The following ELSPBP1 variants were observed in gnomAD, a reference collection of about 807,000 sequenced individuals.
The protein encoded by ELSPBP1 is epididymal sperm binding protein 1.
Under a neutral mutation model 33.3 loss-of-function variants are expected in ELSPBP1, and 38 were observed. That is an observed-to-expected ratio of 1.14 (90% CI 0.88 to 1.50). The LOEUF (loss-of-function observed/expected upper bound fraction) is 1.50, where lower values mean the gene tolerates loss of function less well. Ranked by LOEUF, ELSPBP1 falls within the 40% of genes most tolerant of loss-of-function variation. The pLI, the probability that ELSPBP1 is intolerant of heterozygous loss-of-function variation, is 0.00. For missense variants in ELSPBP1, 267 were observed against 263.5 expected (o/e 1.01, Z -0.09); for synonymous variants, 85 against 94.1 (o/e 0.90, Z 0.56).
chr19:48,015,773 T>TA (rs1961606041), intron 3 of ELSPBP1, 120 bp from the exon 4 acceptor site: 1 of 910,826 alleles, frequency 1.1e-6, no homozygotes, highest in Non-Finnish European at 1.6e-6. Flanking sequence ...AAATAATGCA[T>TA]AAAGTCTCTT....
intron 6 of ELSPBP1, among the ~76,000 whole-genome samples, chr19:48,023,789 C>T (rs1967239876): frequency 6.6e-6 from 1 of 152,082 alleles, no homozygotes; most frequent in Admixed American, 6.6e-5. Context: ...TCATCAAGTA[C>T]CTCCACAGAA....
At chr19:48,016,508 CT>C (rs1160190304) in intron 4 of ELSPBP1, among the ~76,000 whole-genome samples, 9 of 96,348 alleles carry the variant, frequency 9.3e-5, no homozygotes, top group South Asian at 3.6e-4. Flanking sequence ...TTCTTTCTTT[CT>C]TTCTTTCTTT....
chr19:48,017,489 A>G lies in ELSPBP1; in HGVS notation c.355+1450A>G, dbSNP rs73941489. ...ACTCTAAATTGTATCATTAATACAT[A>G]CATTCCATCATTAATAAATACATTA... On this transcript the variant is annotated intron_variant, in intron 4 of 6. Transcript: ENST00000339841. Among the ~76,000 whole-genome samples, 610 of 152,318 alleles carry G rather than the reference A, an allele frequency of 4.0e-3. 4 individuals are homozygous for G. Among genetic ancestry groups the G allele is most frequent in the African/African-American group, 0.013 (532 of 41,568 alleles).
intron 3 of ELSPBP1, among the ~76,000 whole-genome samples, chr19:48,015,644 TGAGA>T (rs1190452635): frequency 1.3e-5 from 2 of 152,020 alleles, no homozygotes; most frequent in Non-Finnish European, 2.9e-5. Context: ...GGCAACAGAG[TGAGA>T]CTCTGTCTCG....
chr19:48,016,330 A>T (rs1967132084), intron 4 of ELSPBP1, among the ~76,000 whole-genome samples: 1 of 152,188 alleles, frequency 6.6e-6, no homozygotes, highest in Non-Finnish European at 1.5e-5. Flanking sequence ...AACTGACAAT[A>T]GTGAGATTCA....
At chr19:48,013,875 A>G (rs1395467501) in intron 2 of ELSPBP1, among the ~76,000 whole-genome samples, 1 of 152,122 alleles carries the variant, frequency 6.6e-6, no homozygotes, top group African/African-American at 2.4e-5. Flanking sequence ...CTCCTGGTTC[A>G]CAGATGGTGC....
intron 1 of ELSPBP1, among the ~76,000 whole-genome samples, chr19:48,005,226 G>GA (rs1373853644): frequency 6.6e-6 from 1 of 151,486 alleles, no homozygotes; most frequent in African/African-American, 2.4e-5. Flanking sequence ...AAAGAAAAAA[G>GA]AAAAAAACAA....
chr19:48,013,455 G>T (rs1055534534), intron 2 of ELSPBP1, among the ~76,000 whole-genome samples: 2 of 152,192 alleles, frequency 1.3e-5, no homozygotes, highest in African/African-American at 4.8e-5. Flanking sequence ...GGTGGCTTAC[G>T]CCTGTAATCC....
At chr19:48,022,054 C>A in intron 5 of ELSPBP1, 116 bp from the exon 6 acceptor site, 1 of 897,934 alleles carries the variant, frequency 1.1e-6, no homozygotes, top group Non-Finnish European at 1.7e-6. Context: ...GGATTAAAGG[C>A]GCGAACCACC....
At chr19:47,996,449 C>A (rs62131797) in intron 1 of ELSPBP1, among the ~76,000 whole-genome samples, 31,086 of 151,700 alleles carry the variant, frequency 0.2, 3,391 homozygotes, top group Admixed American at 0.28. Flanking sequence ...AATGAATGGA[C>A]AGATGAGTGG....
chr19:48,003,141 G>T (rs192108784), intron 1 of ELSPBP1, among the ~76,000 whole-genome samples: 51 of 152,316 alleles, frequency 3.3e-4, no homozygotes, highest in African/African-American at 1.1e-3. Flanking sequence ...GGATGTTCCA[G>T]ACGAGACATG....
chr19:48,001,873 T>A (rs929786146), intron 1 of ELSPBP1, among the ~76,000 whole-genome samples: 2 of 151,944 alleles, frequency 1.3e-5, no homozygotes, highest in Non-Finnish European at 2.9e-5. Flanking sequence ...ATTTTAAGAT[T>A]TTTTGTAGAT....
At chr19:48,020,029 A>G in intron 5 of ELSPBP1, 152 bp downstream of exon 5, 1 of 798,876 alleles carries the variant, frequency 1.3e-6, no homozygotes, top group Non-Finnish European at 1.9e-6. Context: ...TGGCTCACGA[A>G]TAATGTCAAT....
intron 2 of ELSPBP1, 138 bp from the exon 3 acceptor site, chr19:48,014,033 T>C: frequency 9.8e-7 from 1 of 1,018,974 alleles, no homozygotes; most frequent in Non-Finnish European, 1.5e-6. Flanking sequence ...GGGGTTAGGA[T>C]TTTAACATAT....
At position 48,001,175 on chromosome 19, in the gene ELSPBP1, G is replaced by GTTTT. The variant is rs58448046; in HGVS notation, c.-18+6375_-18+6378dup. Among the ~76,000 whole-genome samples the GTTTT allele has an allele frequency of 4.3e-3, 609 of 142,810 alleles. 9 individuals are homozygous for GTTTT. Among genetic ancestry groups the GTTTT allele is most frequent in the African/African-American group, 0.014 (556 of 38,846 alleles). The allele number at this position is 142,810 out of a possible 152,430, so 93.7% of individuals were successfully genotyped here. A position where few individuals can be genotyped will look rare whatever the true frequency, so the allele number is the denominator to read the frequency against. On this transcript the variant is annotated intron_variant, in intron 1 of 6. Coordinates refer to ENST00000339841, the MANE Select transcript of ELSPBP1 (RefSeq NM_022142.5). ...TTCTGACTCTCCTGCCTCTCTCTCT[G>GTTTT]TTTTTTTTTTTTTTGACACAGAGTC...
At chr19:48,008,530 G>A in intron 1 of ELSPBP1, 121 bp from the exon 2 acceptor site, 1 of 672,496 alleles carries the variant, frequency 1.5e-6, no homozygotes, top group South Asian at 1.9e-5. Flanking sequence ...TACCATGCCT[G>A]GTCTATTTTT....
Position 48,011,275 on chromosome 19 carries a change from G to A in ELSPBP1, c.70+2538G>A, listed in dbSNP as rs903816847. Among the ~76,000 whole-genome samples the A allele has an allele frequency of 6.6e-5, 10 of 151,732 alleles. No homozygotes were observed. The highest frequency in any genetic ancestry group is 1.9e-4 in the African/African-American group (8 of 41,326). On this transcript the variant is annotated intron_variant, in intron 2 of 6. Transcript: ENST00000339841. This position sits in a 1 kb window ranked among gnomAD's most constrained non-coding sequence, Gnocchi z 4.5. ...GATTGATAATGATGATGACAATGAC[G>A]ATGATGATCACCATGATAATGACAA... is the stretch of plus-strand genomic sequence containing the variant.
Position 48,025,089 on chromosome 19 carries a change from C to A in ELSPBP1, c.*145C>A, listed in dbSNP as rs1160934131. 2 of 152,162 alleles carry A rather than the reference C, an allele frequency of 1.3e-5. No homozygotes were observed. The highest frequency in any genetic ancestry group is 2.9e-5 in the Non-Finnish European group (2 of 68,034). The allele number at this position is 152,162 out of a possible 1,614,324, so 9.4% of individuals were successfully genotyped here. Reference sequence around the variant, plus strand: ...GCACCACCTGCTTCAATCAGCTGGTCCTTTGTGAAGAACGTAGAGAGAATG... The same window carrying A: ...GCACCACCTGCTTCAATCAGCTGGTACTTTGTGAAGAACGTAGAGAGAATG... On this transcript the variant is annotated 3_prime_UTR_variant, in exon 7 of 7. Transcript: ENST00000339841.
At chr19:47,999,246 G>A (rs564364794) in intron 1 of ELSPBP1, among the ~76,000 whole-genome samples, 2 of 152,186 alleles carry the variant, frequency 1.3e-5, no homozygotes, top group South Asian at 4.2e-4. Flanking sequence ...GGTTACTGTG[G>A]TAGAATACAC....
Sources: gnomAD v4.1 joint callset for allele counts (sites outside exome capture counted in the v4.1 genomes callset) on GRCh38, gnomAD v4.1.1 for gene constraint, Gnocchi (gnomAD v3.1) non-coding constraint, MANE v1.5 for transcripts, NCBI Gene and HGNC (gene_info 2026-07-23, HGNC 2026-07-21) for gene names.